AMZ1: variants seen among roughly 807,000 people sequenced by gnomAD.
AMZ1 encodes archaemetzincin-1.
Under a neutral mutation model 29.9 loss-of-function variants are expected in AMZ1, and 39 were observed. The ratio of observed to expected loss-of-function variants is 1.30; its 90% confidence interval spans 1.01 to 1.70. The LOEUF (loss-of-function observed/expected upper bound fraction) is 1.70, where lower values mean the gene tolerates loss of function less well. Ranked by LOEUF, AMZ1 falls within the 40% of genes most tolerant of loss-of-function variation. AMZ1 has a pLI of 0.00. For missense variants in AMZ1, 1,041 were observed against 680.6 expected, an observed-to-expected ratio of 1.53 and a Z score of -5.89; for synonymous variants, 458 against 304.0, an observed-to-expected ratio of 1.51 and a Z score of -5.27.
At position 2,712,480 on chromosome 7, in the gene AMZ1, CCCCTCA is replaced by C; in HGVS notation, c.1103_1108del (p.Leu368_Thr369del). 4 of 1,610,330 alleles carry C rather than the reference CCCCTCA, an allele frequency of 2.5e-6. No individual in the cohort carries two copies. The highest frequency in any genetic ancestry group is 3.4e-6 in the Non-Finnish European group (4 of 1,179,198). ...GGAGCCCGGCACCAGTGTGTCGGAGCCCCTCACCCCTGATGCCGGGAGTCACACCTT... is the reference window on the plus strand; with the variant it reads ...GGAGCCCGGCACCAGTGTGTCGGAGCCCCCTGATGCCGGGAGTCACACCTT... On this transcript the variant is annotated inframe_deletion, in exon 7 of 7. Coordinates refer to ENST00000683327, the MANE Select transcript of AMZ1 (RefSeq NM_001384743.1).
At chr7:2,681,739 G>T (rs1786891231) in intron 1 of AMZ1, among the ~76,000 whole-genome samples, 2 of 152,180 alleles carry the variant, frequency 1.3e-5, no homozygotes, top group Non-Finnish European at 2.9e-5. Context: ...TACATGTGGG[G>T]TTACTCCTGG....
Position 2,716,097 on chromosome 7 carries a change from G to A in AMZ1, c.*3219G>A, listed in dbSNP as rs1188797682. 6.6e-6 allele frequency: 1 copy of A among 152,194 alleles called. No homozygotes were observed. The allele number at this position is 152,194 out of a possible 1,614,324, so 9.4% of individuals were successfully genotyped here. A position where few individuals can be genotyped will look rare whatever the true frequency, so the allele number is the denominator to read the frequency against. On this transcript the variant is annotated 3_prime_UTR_variant, in exon 7 of 7. Coordinates refer to ENST00000683327, the MANE Select transcript of AMZ1 (RefSeq NM_001384743.1). Reference sequence around the variant, plus strand: ...GGAGCTAAAAATAGTTTCAGGTCATGACAGATGTTATCTGTATTGCTGTGT... The same window carrying A: ...GGAGCTAAAAATAGTTTCAGGTCATAACAGATGTTATCTGTATTGCTGTGT...
chr7:2,762,810 C>T (rs1272900501), upstream of AMZ1: 26 of 1,528,762 alleles, frequency 1.7e-5, no homozygotes, highest in Non-Finnish European at 2.2e-5. Context: ...CTCAGGGCGG[C>T]CTCCCATCCG....
At position 2,710,230 on chromosome 7, in the gene AMZ1, A is replaced by C. The variant is rs150382532; in HGVS notation, c.948+414A>C. Among the ~76,000 whole-genome samples the C allele has an allele frequency of 8.3e-4, 126 of 152,280 alleles. 1 individual carries two copies. In the South Asian group the frequency reaches 9.3e-3, roughly 11 times the overall value. Reference sequence around the variant, plus strand: ...GCCCCTTGCGAGGAGGTGGGAGCTGACACAACAAGGCTTGTTGGAGGTGGC... The same window carrying C: ...GCCCCTTGCGAGGAGGTGGGAGCTGCCACAACAAGGCTTGTTGGAGGTGGC... On this transcript the variant is annotated intron_variant, in intron 6 of 6. Transcript: ENST00000683327.
chr7:2,733,629 A>T (rs555745025), intron 4 of AMZ1: 3 of 705,372 alleles, frequency 4.3e-6, no homozygotes, highest in African/African-American at 3.5e-5. Context: ...CAAAGGAAAA[A>T]GGCAGAGAGT....
At chr7:2,735,078 C>T (rs2115298287) in intron 4 of AMZ1, among the ~76,000 whole-genome samples, 1 of 151,642 alleles carries the variant, frequency 6.6e-6, no homozygotes, top group East Asian at 1.9e-4. Context: ...CACACCCTGA[C>T]AGGAAGCAGC....
At chr7:2,749,121 G>T (rs1304376199) in intron 4 of AMZ1, among the ~76,000 whole-genome samples, 1 of 152,162 alleles carries the variant, frequency 6.6e-6, no homozygotes, top group Non-Finnish European at 1.5e-5. Flanking sequence ...CAGGGATCTA[G>T]AACTAGAAAT....
intron 4 of AMZ1, among the ~76,000 whole-genome samples, chr7:2,737,638 C>T (rs911569243): frequency 5.3e-5 from 8 of 152,078 alleles, no homozygotes; most frequent in South Asian, 4.1e-4. Flanking sequence ...AATCCTAAAG[C>T]GGGGTCATTC....
chr7:2,710,490 C>T (rs1788702853), intron 6 of AMZ1, among the ~76,000 whole-genome samples: 1 of 152,238 alleles, frequency 6.6e-6, no homozygotes, highest in Admixed American at 6.5e-5. Flanking sequence ...CCTGCATCCT[C>T]CTCCCGCCCG....
chr7:2,735,694 G>T (rs555425236), intron 4 of AMZ1, among the ~76,000 whole-genome samples: 1 of 152,314 alleles, frequency 6.6e-6, no homozygotes, highest in South Asian at 2.1e-4. Flanking sequence ...CACAGCATTT[G>T]TATCACTACT....
At chr7:2,723,104 T>G (rs965483631), downstream of AMZ1, among the ~76,000 whole-genome samples, 1 of 152,010 alleles carries the variant, frequency 6.6e-6, no homozygotes, top group Admixed American at 6.6e-5. Flanking sequence ...GTGTAGAAAT[T>G]ATATGTGACT....
chr7:2,711,947 C>T (rs11763369), intron 6 of AMZ1, among the ~76,000 whole-genome samples: 15,917 of 151,948 alleles, frequency 0.1, 857 homozygotes, highest in South Asian at 0.16. Context: ...CTCAGGAGGC[C>T]AACGCAGGAG....
chr7:2,730,287 G>A (rs709282), intron 4 of AMZ1: 61,996 of 152,418 alleles, frequency 0.41, 12,892 homozygotes, highest in Admixed American at 0.47. Flanking sequence ...TGGGAGAGCC[G>A]TCTGCAAGGG....
chr7:2,752,140 T>A (rs1048522291), intron 4 of AMZ1, among the ~76,000 whole-genome samples: 1 of 151,812 alleles, frequency 6.6e-6, no homozygotes, highest in African/African-American at 2.4e-5. Context: ...AAAATGTCAA[T>A]AGAAGACAGC....
At chr7:2,761,089 G>A (rs1339559378), upstream of AMZ1, among the ~76,000 whole-genome samples, 1 of 152,198 alleles carries the variant, frequency 6.6e-6, no homozygotes, top group East Asian at 1.9e-4. Flanking sequence ...CTCATAGAAA[G>A]CATTTCCTAC....
chr7:2,692,856 C>G (rs1044330946), intron 1 of AMZ1, among the ~76,000 whole-genome samples: 2 of 152,186 alleles, frequency 1.3e-5, no homozygotes, highest in African/African-American at 4.8e-5. Flanking sequence ...CCAATCTCGT[C>G]CCCTGTTCTT....
chr7:2,733,674 T>A (rs1169295624), intron 4 of AMZ1, among the ~76,000 whole-genome samples: 1 of 152,222 alleles, frequency 6.6e-6, no homozygotes, highest in Admixed American at 6.5e-5. Context: ...AAACTACCAT[T>A]AAAGAAAATG....
rs1234259111 is a variant in AMZ1 at position 2,700,335 on chromosome 7, C to T, written c.-117C>T. 37 of 1,237,716 alleles carry T rather than the reference C, an allele frequency of 3.0e-5. No homozygotes were observed. Among genetic ancestry groups the T allele is most frequent in the East Asian group, 1.8e-4 (7 of 39,938 alleles). The allele number at this position is 1,237,716 out of a possible 1,614,324, so 76.7% of individuals were successfully genotyped here. On this transcript the variant is annotated 5_prime_UTR_variant, in exon 2 of 7. Coordinates refer to ENST00000683327, the MANE Select transcript of AMZ1 (RefSeq NM_001384743.1). ...CCAGTGTCTGTCTGCAGGGAGCCCC[C>T]GGTAGCCACTCGGATCAGCCCGAGG...
chr7:2,724,015 T>C (rs1789526950), downstream of AMZ1, among the ~76,000 whole-genome samples: 1 of 151,728 alleles, frequency 6.6e-6, no homozygotes, highest in South Asian at 2.1e-4. Flanking sequence ...CAGGCAATTC[T>C]CTGCCTCAGC....
Sources: gnomAD v4.1 joint callset for allele counts (sites outside exome capture counted in the v4.1 genomes callset) on GRCh38, gnomAD v4.1.1 for gene constraint, MANE v1.5 for transcripts, NCBI Gene and HGNC (gene_info 2026-07-23, HGNC 2026-07-21) for gene names.